The following RNF10 variants were observed in gnomAD, a reference collection of about 807,000 sequenced individuals.
The protein encoded by RNF10 is ring finger protein 10, also known as E3 ubiquitin-protein ligase RNF10.
In RNF10, 38 loss-of-function variants were observed where a neutral mutation model predicts 91.4. That is an observed-to-expected ratio of 0.42 (90% confidence interval 0.32 to 0.54). The LOEUF (loss-of-function observed/expected upper bound fraction) is 0.54. Ranked by LOEUF, RNF10 falls within the 20% of genes least tolerant of loss-of-function variation. The pLI, the probability that RNF10 is intolerant of heterozygous loss-of-function variation, is 0.16. For missense variants in RNF10, 945 were observed against 1,012.0 expected (o/e 0.93, Z 0.90); for synonymous variants, 364 against 366.3 (o/e 0.99, Z 0.07).
chr12:120,550,161 G>C (rs1356033417), intron 2 of RNF10, among the ~76,000 whole-genome samples: 1 of 152,102 alleles, frequency 6.6e-6, no homozygotes, highest in Non-Finnish European at 1.5e-5. Context: ...TTTACCACGT[G>C]GTACAGCCAC....
At position 120,534,631 on chromosome 12, in the gene RNF10, A is replaced by G. The variant is rs1048608489; in HGVS notation, c.-181A>G. 1 of 1,324,852 alleles carries G rather than the reference A, an allele frequency of 7.5e-7. No homozygotes were observed. The highest frequency in any genetic ancestry group is 9.6e-7 in the Non-Finnish European group (1 of 1,039,496). The allele number at this position is 1,324,852 out of a possible 1,614,324, so 82.1% of individuals were successfully genotyped here. ...GGTCGCCGCTGCCGCCGGGCTTAAC[A>G]GCCCCGTCCGCCGCTTCTCTTCCTA... On this transcript the variant is annotated 5_prime_UTR_variant, in exon 1 of 17. Transcript: ENST00000325954.
intron 13 of RNF10, 70 bp downstream of exon 13, chr12:120,567,050 A>G (rs1875848866): frequency 6.7e-7 from 1 of 1,486,038 alleles, no homozygotes; most frequent in South Asian, 1.3e-5. Flanking sequence ...GTCTGAGTTT[A>G]CAACCCCGGC....
At chr12:120,545,698 C>T (rs1247119430) in intron 1 of RNF10, among the ~76,000 whole-genome samples, 3 of 151,934 alleles carry the variant, frequency 2.0e-5, no homozygotes, top group South Asian at 2.1e-4. Context: ...CCACCATGCG[C>T]GGCTAATTTT....
intron 6 of RNF10, among the ~76,000 whole-genome samples, chr12:120,559,084 A>G (rs1874443530): frequency 6.6e-6 from 1 of 151,288 alleles, no homozygotes; most frequent in South Asian, 2.1e-4. Flanking sequence ...ATTTTAAAAA[A>G]TTAACTGGGC....
Position 120,534,917 on chromosome 12 carries a change from C to A in RNF10, c.106C>A (p.Pro36Thr). The A allele has an allele frequency of 6.2e-7, 1 of 1,605,934 alleles. No homozygotes were observed. The highest frequency in any genetic ancestry group is 1.1e-5 in the South Asian group (1 of 90,842). Reference sequence around the variant, plus strand: ...TTCGGGCAGCAGCAAAGGGCAACAGCCGCCCCGCTCCGCCTCGGCGGGGCC... The same window carrying A: ...TTCGGGCAGCAGCAAAGGGCAACAGACGCCCCGCTCCGCCTCGGCGGGGCC... ...ASSGSSKGQQPPRSASAGPAG... is the reference protein window; with the variant it reads ...ASSGSSKGQQTPRSASAGPAG... Residue 36 changes from proline (P) to threonine (T), a missense_variant, in exon 1 of 17, where the codon CCG (proline) becomes ACG (threonine). By Grantham distance (38) the Pro-to-Thr change is conservative. Coordinates refer to ENST00000325954, the MANE Select transcript of RNF10 (RefSeq NM_014868.5).
At chr12:120,571,360 A>G (rs1876601881) in intron 14 of RNF10, 69 bp downstream of exon 14, 1 of 1,124,820 alleles carries the variant, frequency 8.9e-7, no homozygotes, top group Non-Finnish European at 1.4e-6. Context: ...TATTATGGGA[A>G]CCTCCTCCAG....
intron 13 of RNF10, among the ~76,000 whole-genome samples, chr12:120,568,770 C>A (rs1876155494): frequency 6.6e-6 from 1 of 151,986 alleles, no homozygotes; most frequent in South Asian, 2.1e-4. Context: ...GCTACTGTGC[C>A]CAGCCTGTTT....
chr12:120,563,637 A>G lies in RNF10; in HGVS notation c.1531+14A>G. The stretch of plus-strand genomic sequence containing the variant: ...ACTTTTACCAAGGTGAGGGTGCCGG[A>G]AGAGAGGGCTGGGTTGCCGCAGAGG... On this transcript the variant is annotated intron_variant, in intron 9 of 16. Coordinates refer to ENST00000325954, the MANE Select transcript of RNF10 (RefSeq NM_014868.5). 1 of 1,585,204 alleles carries G rather than the reference A, an allele frequency of 6.3e-7. No individual in the cohort carries two copies. Among genetic ancestry groups the G allele is most frequent in the African/African-American group, 1.3e-5 (1 of 74,402 alleles).
At position 120,552,456 on chromosome 12, in the gene RNF10, G is replaced by A. The variant is rs373216050; in HGVS notation, c.355-43G>A. ...TTTTGGGTTTCTGCTATAAATCAGT[G>A]TCATCCTAATCTGAAATACTGATTC... On this transcript the variant is annotated intron_variant, in intron 2 of 16. Transcript: ENST00000325954. 21 of 1,528,496 alleles carry A rather than the reference G, an allele frequency of 1.4e-5. No homozygotes were observed. The East Asian group carries it at 4.5e-4, about 33-fold the overall frequency. The allele number at this position is 1,528,496 out of a possible 1,614,324, so 94.7% of individuals were successfully genotyped here.
intron 1 of RNF10, among the ~76,000 whole-genome samples, chr12:120,536,120 A>T (rs1248029464): frequency 6.6e-6 from 1 of 152,148 alleles, no homozygotes; most frequent in Admixed American, 6.6e-5. Flanking sequence ...TGTCAAGATT[A>T]AAAAAACTGT....
At chr12:120,551,817 G>A (rs1873133186) in intron 2 of RNF10, among the ~76,000 whole-genome samples, 1 of 151,952 alleles carries the variant, frequency 6.6e-6, no homozygotes, top group Admixed American at 6.6e-5. Context: ...TTTAAAGACT[G>A]TATTACTCCA....
Position 120,563,017 on chromosome 12 carries a change from C to A in RNF10, c.1201C>A (p.Gln401Lys), listed in dbSNP as rs761797310. 2.5e-6 allele frequency: 4 copies of A among 1,614,108 alleles called. No individual in the cohort carries two copies. The highest frequency in any genetic ancestry group is 1.7e-6 in the Non-Finnish European group (2 of 1,179,996). Residue 401 changes from glutamine (Q) to lysine (K), a missense_variant, in exon 8 of 17, where the codon CAA (glutamine) becomes AAA (lysine). Physicochemically the swap from Gln to Lys is moderately conservative, Grantham distance 53. Coordinates refer to ENST00000325954, the MANE Select transcript of RNF10 (RefSeq NM_014868.5). ...EVTGVVAALEQLVLMAPLAKE... is the reference protein window; with the variant it reads ...EVTGVVAALEKLVLMAPLAKE... Reference sequence around the variant, plus strand: ...CACTGGTGTTGTGGCTGCTCTGGAACAACTGGTGCTGATGGCTCCCTTGGC... The same window carrying A: ...CACTGGTGTTGTGGCTGCTCTGGAAAAACTGGTGCTGATGGCTCCCTTGGC...
Position 120,563,125 on chromosome 12 carries a change from C to G in RNF10, c.1254+55C>G, listed in dbSNP as rs199779791. ...CCGTTCCTCAAATGCTGTCATTGAG[C>G]TGGTAGGCATTACTGTGAGATCTAA... On this transcript the variant is annotated intron_variant, in intron 8 of 16. Coordinates refer to ENST00000325954, the MANE Select transcript of RNF10 (RefSeq NM_014868.5). The G allele has an allele frequency of 6.5e-4, 1,040 of 1,609,782 alleles. 1 individual carries two copies. The highest frequency in any genetic ancestry group is 2.2e-3 in the Admixed American group (129 of 59,978).
chr12:120,566,687 G>A, intron 12 of RNF10, 138 bp from the exon 13 acceptor site: 1 of 786,158 alleles, frequency 1.3e-6, no homozygotes, highest in Non-Finnish European at 2.0e-6. Context: ...GCTTGAGCCT[G>A]GGAGGCAGAG....
chr12:120,542,238 G>A (rs758347475), intron 1 of RNF10, among the ~76,000 whole-genome samples: 7 of 152,084 alleles, frequency 4.6e-5, no homozygotes, highest in Non-Finnish European at 7.3e-5. Context: ...ATAGCACACC[G>A]CAGCCTCAAC....
intron 1 of RNF10, among the ~76,000 whole-genome samples, chr12:120,543,143 C>T (rs1402242788): frequency 2.6e-5 from 4 of 152,018 alleles, no homozygotes; most frequent in African/African-American, 9.7e-5. Context: ...TTTATTTAGC[C>T]TGCTATAAAA....
At chr12:120,560,432 G>GT (rs1260687733) in intron 6 of RNF10, among the ~76,000 whole-genome samples, 6 of 152,084 alleles carry the variant, frequency 3.9e-5, no homozygotes, top group African/African-American at 1.4e-4. Context: ...GGGATTACAG[G>GT]TGTGAGCCAT....
At position 120,569,890 on chromosome 12, in the gene RNF10, T is replaced by TTTTTG. The variant is rs749156853; in HGVS notation, c.2042-1285_2042-1281dup. The stretch of plus-strand genomic sequence containing the variant: ...ACATACTGTCTTTTCTGAAAGCTGC[T>TTTTTG]TTTTGTTTTGTTTTGTTTTGGATGG... On this transcript the variant is annotated intron_variant, in intron 13 of 16. Transcript: ENST00000325954. 2.5e-4 allele frequency among the ~76,000 whole-genome samples: 38 copies of TTTTTG among 151,970 alleles called. No individual in the cohort carries two copies. In the East Asian group the frequency reaches 2.9e-3, roughly 12 times the overall value.
chr12:120,559,176 C>CTT (rs34120761), intron 6 of RNF10, among the ~76,000 whole-genome samples: 3,701 of 95,084 alleles, frequency 0.039, 560 homozygotes, highest in African/African-American at 0.13. Flanking sequence ...TTGAACTACT[C>CTT]TTTTTTTTTT....
Sources: gnomAD v4.1 joint callset for allele counts (sites outside exome capture counted in the v4.1 genomes callset) on GRCh38, gnomAD v4.1.1 for gene constraint, MANE v1.5 for transcripts, NCBI Gene and HGNC (gene_info 2026-07-23, HGNC 2026-07-21) for gene names.